The following LILRB2 variants were observed in gnomAD, a reference collection of about 807,000 sequenced individuals.
LILRB2 encodes leukocyte immunoglobulin-like receptor subfamily B member 2.
A neutral mutation model predicts 72.7 loss-of-function variants in LILRB2; 47 were observed. The observed-to-expected ratio is 0.65, with a 90% CI of 0.51 to 0.82. The LOEUF is 0.82. Ranked by LOEUF, LILRB2 falls within the 40% of genes least tolerant of loss-of-function variation. The pLI, the probability that LILRB2 is intolerant of heterozygous loss-of-function variation, is 0.00. For missense variants in LILRB2, 767 were observed against 764.8 expected, an observed-to-expected ratio of 1.00 and a Z score of -0.03; for synonymous variants, 279 against 313.7, an observed-to-expected ratio of 0.89 and a Z score of 1.17.
chr19:54,280,729 C>T, intron 1 of LILRB2, 185 bp from the exon 2 acceptor site: 2 of 810,944 alleles, frequency 2.5e-6, no homozygotes, highest in Non-Finnish European at 2.0e-6. Flanking sequence ...ACTGGGCCCT[C>T]TGCAGACATT....
intron 9 of LILRB2, 85 bp downstream of exon 9, chr19:54,277,465 C>A (rs963763772): frequency 4.6e-6 from 7 of 1,534,566 alleles, no homozygotes; most frequent in Non-Finnish European, 6.2e-6. Context: ...ACATCACCAC[C>A]TCCAGAGGAG....
At position 54,278,799 on chromosome 19, in the gene LILRB2, C is replaced by A. The variant is rs767969879; in HGVS notation, c.955+13G>T. 29 of 1,611,408 alleles carry A rather than the reference C, an allele frequency of 1.8e-5. No homozygotes were observed. Among genetic ancestry groups the A allele is most frequent in the Non-Finnish European group, 2.5e-5 (29 of 1,179,466 alleles). On this transcript the variant is annotated intron_variant, in intron 6 of 13. Coordinates refer to ENST00000314446, the MANE Select transcript of LILRB2 (RefSeq NM_001080978.4). The stretch of plus-strand genomic sequence containing the variant: ...GAGTCTGGGTCCCTGACTGAACCCG[C>A]TGGGCTCCTCACCTGTGATCAGGAT...
At chr19:54,276,669 A>G (rs1381470685) in intron 10 of LILRB2, 138 bp downstream of exon 10, 1 of 1,493,030 alleles carries the variant, frequency 6.7e-7, no homozygotes, top group Non-Finnish European at 9.0e-7. Flanking sequence ...ACTGACGTTA[A>G]GTGCTTTCTC....
intron 13 of LILRB2, chr19:54,275,354 T>G (rs372175011): frequency 5.7e-6 from 3 of 522,716 alleles, no homozygotes; most frequent in South Asian, 2.0e-5. Context: ...GCTCGTCCAT[T>G]AGAGGATCGT....
At chr19:54,280,430 G>A (rs2080497248) in intron 2 of LILRB2, 33 bp downstream of exon 2, 1 of 1,614,032 alleles carries the variant, frequency 6.2e-7, no homozygotes, top group Non-Finnish European at 8.5e-7. Flanking sequence ...GTCCCTCCTA[G>A]GTTAGAAGCT....
intron 9 of LILRB2, 120 bp downstream of exon 9, chr19:54,277,430 G>A (rs1475786293): frequency 1.4e-5 from 20 of 1,444,608 alleles, no homozygotes; most frequent in Non-Finnish European, 1.9e-5. Flanking sequence ...AGAAACTGAG[G>A]CCCAGGCAGG....
rs776376741 is a variant in LILRB2, at chr19:54,277,613, G to A, written c.1310-16C>T. 1.7e-5 allele frequency: 27 copies of A among 1,559,678 alleles called. No homozygotes were observed. The highest frequency in any genetic ancestry group is 7.0e-5 in the East Asian group (3 of 42,650). On this transcript the variant is annotated splice_polypyrimidine_tract_variant and intron_variant, in intron 8 of 13. Coordinates refer to ENST00000314446, the MANE Select transcript of LILRB2 (RefSeq NM_001080978.4). ...TCCTCAGGGCCTGCTGGGTCAGGACGGGGAGGTGAGGGCTGGGGCTGCCCT... is the reference window on the plus strand; with the variant it reads ...TCCTCAGGGCCTGCTGGGTCAGGACAGGGAGGTGAGGGCTGGGGCTGCCCT...
Position 54,278,255 on chromosome 19 carries a change from C to A in LILRB2, c.1258+5G>T. On this transcript the variant is annotated splice_donor_5th_base_variant and intron_variant, in intron 7 of 13. Transcript: ENST00000314446. Reference sequence around the variant, plus strand: ...GCTCAGAGAGGACAGGGTCAAGGCCCCCACCTGAGACCACGAGCTCCAGGG... The same window carrying A: ...GCTCAGAGAGGACAGGGTCAAGGCCACCACCTGAGACCACGAGCTCCAGGG... The A allele has an allele frequency of 6.2e-7, 1 of 1,614,128 alleles. No individual in the cohort carries two copies. Among genetic ancestry groups the A allele is most frequent in the Non-Finnish European group, 8.5e-7 (1 of 1,179,992 alleles).
At chr19:54,279,263 GC>G (rs1171998929) in intron 5 of LILRB2, 81 bp downstream of exon 5, 5 of 1,548,726 alleles carry the variant, frequency 3.2e-6, no homozygotes, top group Non-Finnish European at 4.4e-6. Flanking sequence ...ACCTGGAACT[GC>G]CCTGAGACAC....
chr19:54,278,107 G>T, intron 7 of LILRB2, 153 bp downstream of exon 7: 1 of 1,195,860 alleles, frequency 8.4e-7, no homozygotes, highest in Non-Finnish European at 1.2e-6. Context: ...GGCCTGGGAG[G>T]GCCTGTTGTC....
At position 54,279,954 on chromosome 19, in the gene LILRB2, T is replaced by C. The variant is rs1240131952; in HGVS notation, c.192A>G (p.Lys64=). The C allele has an allele frequency of 1.9e-6, 3 of 1,614,122 alleles. No homozygotes were observed. The highest frequency in any genetic ancestry group is 2.5e-6 in the Non-Finnish European group (3 of 1,180,004). Residue 64 remains lysine, a synonymous_variant, in exon 4 of 14, where the codon AAA becomes AAG. Transcript: ENST00000314446. ...EAQEYRLYRE[K]KSASWITRIR... ...TCCGTGTAATCCAAGATGCTGATTT[T>C]TTCTCCCTATATAGACGGTACTCCT...
chr19:54,275,806 A>C lies in LILRB2; in HGVS notation c.1647+145T>G, dbSNP rs556981924. On this transcript the variant is annotated intron_variant, in intron 13 of 13. Coordinates refer to ENST00000314446, the MANE Select transcript of LILRB2 (RefSeq NM_001080978.4). The stretch of plus-strand genomic sequence containing the variant: ...CAGGACAGCAGGAGAGAGTGAGGTC[A>C]CAGCAGGCGGGAGGCAGCGTGCTGG... 2,849 of 1,091,830 alleles carry C rather than the reference A, an allele frequency of 2.6e-3. 9 individuals carry two copies. The highest frequency in any genetic ancestry group is 3.6e-3 in the Non-Finnish European group (2,571 of 710,824). 67.6% of individuals were successfully genotyped at this position (1,091,830 alleles called of 1,614,324 possible). A position where few individuals can be genotyped will look rare whatever the true frequency, so the allele number is the denominator to read the frequency against.
At position 54,274,786 on chromosome 19, in the gene LILRB2, A is replaced by G. The variant is rs1193972517; in HGVS notation, c.1691T>C (p.Leu564Pro). 6.3e-7 allele frequency: 1 copy of G among 1,597,612 alleles called. No individual in the cohort carries two copies. Among genetic ancestry groups the G allele is most frequent in the Non-Finnish European group, 8.5e-7 (1 of 1,172,176 alleles). Reference sequence around the variant, plus strand: ...CTTCCGTCTGAGGGTCAAGCTGTGCAGCTGGGCGTAGGTCACATCCTGGGG... The same window carrying G: ...CTTCCGTCTGAGGGTCAAGCTGTGCGGCTGGGCGTAGGTCACATCCTGGGG... ...EAPQDVTYAQ[L>P]HSLTLRRKAT... The change falls in exon 14 of 14, where the codon CTG (leucine) becomes CCG (proline). Residue 564 changes from leucine (L) to proline (P), a missense_variant. Leu to Pro is a moderately conservative substitution (Grantham distance 98, BLOSUM62 -3). Transcript: ENST00000314446.
Position 54,279,652 on chromosome 19 carries a change from G to A in LILRB2, c.356-5C>T. On this transcript the variant is annotated splice_region_variant and splice_polypyrimidine_tract_variant and intron_variant, in intron 4 of 13. Coordinates refer to ENST00000314446, the MANE Select transcript of LILRB2 (RefSeq NM_001080978.4). ...GGGTGGGTTTTGGGTAGGCTCCTAG[G>A]AGAGAAGGAGGCATCGTGTTAAATG... The A allele has an allele frequency of 6.2e-7, 1 of 1,603,932 alleles. No individual in the cohort carries two copies. Among genetic ancestry groups the A allele is most frequent in the Non-Finnish European group, 8.5e-7 (1 of 1,172,272 alleles).
intron 12 of LILRB2, 44 bp downstream of exon 12, chr19:54,276,220 G>A (rs749025016): frequency 3.1e-6 from 5 of 1,612,634 alleles, no homozygotes; most frequent in Non-Finnish European, 3.4e-6. Context: ...AAACTTCGGG[G>A]CCCCTATCTC....
chr19:54,276,951 G>A (rs189835390), intron 9 of LILRB2, 22 bp from the exon 10 acceptor site: 16,167 of 1,442,284 alleles, frequency 0.011, no homozygotes, highest in Middle Eastern at 0.02. Flanking sequence ...TGATGTCAGG[G>A]ATGGGGGTGA....
At chr19:54,275,145 T>G in intron 13 of LILRB2, 1 of 1,521,464 alleles carries the variant, frequency 6.6e-7, no homozygotes, top group Non-Finnish European at 9.0e-7. Context: ...GTTCCCGGGG[T>G]GATCCGATTA....
Position 54,279,480 on chromosome 19 carries a change from C to A in LILRB2, c.523G>T (p.Gly175Trp). The A allele has an allele frequency of 6.2e-7, 1 of 1,614,162 alleles. No homozygotes were observed. Among genetic ancestry groups the A allele is most frequent in the East Asian group, 2.2e-5 (1 of 44,870 alleles). The change falls in exon 5 of 14, where the codon GGG becomes TGG. Residue 175 changes from glycine to tryptophan, a missense_variant. Gly to Trp is a radical substitution (Grantham distance 184). Coordinates refer to ENST00000314446, the MANE Select transcript of LILRB2 (RefSeq NM_001080978.4). ...ACGGAGAAGATGGCGCGGGACGACC[C>A]ACGGGCATGGGGCTGGGAGTTCAGG... ...QCLNSQPHAR[G>W]SSRAIFSVGP...
chr19:54,276,113 G>A lies in LILRB2; in HGVS notation c.1595-110C>T, dbSNP rs1489545999. On this transcript the variant is annotated intron_variant, in intron 12 of 13. Coordinates refer to ENST00000314446, the MANE Select transcript of LILRB2 (RefSeq NM_001080978.4). Reference sequence around the variant, plus strand: ...TGGGGCTACTGAGATGCAGGGAGGGGCTGCAATGTCCCTGAGGTCCCACAG... The same window carrying A: ...TGGGGCTACTGAGATGCAGGGAGGGACTGCAATGTCCCTGAGGTCCCACAG... 8 of 1,550,872 alleles carry A rather than the reference G, an allele frequency of 5.2e-6. No individual in the cohort carries two copies. The South Asian group carries it at 5.8e-5, about 11-fold the overall frequency.
Sources: allele counts gnomAD v4.1 joint callset, GRCh38; gene constraint gnomAD v4.1.1; transcripts MANE v1.5; gene names NCBI Gene and HGNC (gene_info 2026-07-23, HGNC 2026-07-21).